ATP8A2: variants seen among roughly 807,000 people sequenced by gnomAD.
ATP8A2 encodes the protein phospholipid-transporting ATPase IB.
ATP8A2 carries 100 observed loss-of-function variants against 165.6 expected under a neutral mutation model. That is an observed-to-expected ratio of 0.60 (90% CI 0.51 to 0.71). ATP8A2 has a LOEUF of 0.71. Among genes scored for constraint, ATP8A2 ranks in the 30% least tolerant of loss-of-function variants. The pLI is 0.00. For missense variants in ATP8A2, 1,227 were observed against 1,479.5 expected (o/e 0.83, Z 2.80); for synonymous variants, 543 against 548.8 (o/e 0.99, Z 0.15).
intron 25 of ATP8A2, among the ~76,000 whole-genome samples, chr13:25,746,137 CATATG>C (rs1192902048): frequency 6.6e-6 from 1 of 152,188 alleles, no homozygotes; most frequent in Non-Finnish European, 1.5e-5. Flanking sequence ...GCAATTCATT[CATATG>C]AGTTGTTTCT....
At chr13:25,512,586 G>T in intron 2 of ATP8A2, among the ~76,000 whole-genome samples, 1 of 145,864 alleles carries the variant, frequency 6.9e-6, no homozygotes, top group Admixed American at 6.7e-5. Flanking sequence ...AGGGGCGGCT[G>T]GGCAGAGGCG....
rs574575294 is a variant in ATP8A2, at chr13:25,530,955, A to G, written c.420+295A>G. Among the ~76,000 whole-genome samples, 3 of 152,148 alleles carry G rather than the reference A, an allele frequency of 2.0e-5. No individual in the cohort carries two copies. In the East Asian group the frequency reaches 5.8e-4, roughly 29 times the overall value. On this transcript the variant is annotated intron_variant, in intron 4 of 36. Coordinates refer to ENST00000381655, the MANE Select transcript of ATP8A2 (RefSeq NM_016529.6). ...TTAGAGCTTGCTAATTTGGGCAGCA[A>G]ATGAAAGATTGCTGTGTTGTCTAGG...
intron 33 of ATP8A2, among the ~76,000 whole-genome samples, chr13:25,939,162 C>T (rs917194360): frequency 2.0e-5 from 3 of 152,054 alleles, no homozygotes; most frequent in South Asian, 2.1e-4. Flanking sequence ...CCTTTGATTG[C>T]CTCATGGGAA....
chr13:25,518,854 T>C (rs1161768817), intron 2 of ATP8A2, among the ~76,000 whole-genome samples: 1 of 152,176 alleles, frequency 6.6e-6, no homozygotes, highest in African/African-American at 2.4e-5. Flanking sequence ...CCAACATACA[T>C]GTAACAAGAT....
At chr13:25,858,645 G>A (rs960062830) in intron 30 of ATP8A2, among the ~76,000 whole-genome samples, 1 of 152,160 alleles carries the variant, frequency 6.6e-6, no homozygotes, top group African/African-American at 2.4e-5. Flanking sequence ...ATAAGAGTGG[G>A]ATTGTTCAAC....
intron 28 of ATP8A2, among the ~76,000 whole-genome samples, chr13:25,833,288 A>G (rs575167899): frequency 7.2e-5 from 11 of 152,242 alleles, no homozygotes; most frequent in East Asian, 3.9e-4. Context: ...ATATAAATAT[A>G]TATGATTCCA....
chr13:25,786,243 C>T (rs972395776), intron 27 of ATP8A2, among the ~76,000 whole-genome samples: 3 of 152,108 alleles, frequency 2.0e-5, no homozygotes, highest in Admixed American at 6.5e-5. Flanking sequence ...ATCTGAGCTG[C>T]GATATTGGTT....
At chr13:25,985,188 T>A (rs376183903) in intron 35 of ATP8A2, among the ~76,000 whole-genome samples, 1 of 152,322 alleles carries the variant, frequency 6.6e-6, no homozygotes, top group South Asian at 2.1e-4. Flanking sequence ...TTAGTAGAAA[T>A]AGTGTATGCT....
intron 1 of ATP8A2, among the ~76,000 whole-genome samples, chr13:25,426,694 G>C (rs2138126412): frequency 6.6e-6 from 1 of 152,250 alleles, no homozygotes; most frequent in East Asian, 1.9e-4. Flanking sequence ...TGTAATCCCA[G>C]TACTTTGGGA....
At chr13:25,807,512 C>T (rs932400596) in intron 27 of ATP8A2, among the ~76,000 whole-genome samples, 3 of 152,102 alleles carry the variant, frequency 2.0e-5, no homozygotes, top group African/African-American at 7.2e-5. Flanking sequence ...GGATTTATTC[C>T]TGGACTCTCA....
chr13:25,416,247 TAG>T (rs1248176164), intron 1 of ATP8A2, among the ~76,000 whole-genome samples: 2 of 152,240 alleles, frequency 1.3e-5, no homozygotes, highest in Non-Finnish European at 2.9e-5. Context: ...GTTTCTACTA[TAG>T]AAAATAAACA....
intron 25 of ATP8A2, among the ~76,000 whole-genome samples, chr13:25,735,460 C>A (rs187384310): frequency 1.6e-3 from 245 of 152,142 alleles, no homozygotes; most frequent in African/African-American, 5.5e-3. Flanking sequence ...AAGGTCTCAC[C>A]ATGTTGCCCA....
chr13:25,784,578 G>C (rs1026655980), intron 27 of ATP8A2, among the ~76,000 whole-genome samples: 3 of 152,134 alleles, frequency 2.0e-5, no homozygotes, highest in Non-Finnish European at 4.4e-5. Flanking sequence ...AGGCACACAC[G>C]TAAGAATCTT....
rs117227961 is a variant in ATP8A2, at chr13:25,911,615, T to C, written c.3183+49207T>C. 5.1e-4 allele frequency among the ~76,000 whole-genome samples: 77 copies of C among 152,276 alleles called. No individual in the cohort carries two copies. The East Asian group carries it at 0.014, about 28-fold the overall frequency. ...TAGTAGCTTGGCAGCTTCGAACTCA[T>C]ATGGTGAAGGATAGGACCTGGGCCC... On this transcript the variant is annotated intron_variant, in intron 33 of 36. Coordinates refer to ENST00000381655, the MANE Select transcript of ATP8A2 (RefSeq NM_016529.6).
At chr13:25,682,234 TC>T (rs1280442547) in intron 24 of ATP8A2, among the ~76,000 whole-genome samples, 3 of 152,152 alleles carry the variant, frequency 2.0e-5, no homozygotes, top group Non-Finnish European at 4.4e-5. Context: ...TGGCCCATCT[TC>T]TTGACCTTCC....
At chr13:25,600,227 C>T (rs1334659583) in intron 24 of ATP8A2, among the ~76,000 whole-genome samples, 6 of 152,168 alleles carry the variant, frequency 3.9e-5, no homozygotes, top group African/African-American at 1.4e-4. Context: ...AAGTGATTGT[C>T]AAGGGAATTG....
chr13:25,436,398 A>G (rs1398016842), intron 1 of ATP8A2, among the ~76,000 whole-genome samples: 1 of 152,150 alleles, frequency 6.6e-6, no homozygotes, highest in Non-Finnish European at 1.5e-5. Context: ...CACTTCAGAT[A>G]AGGGCCTCCA....
chr13:25,661,248 T>G (rs1463985335), intron 24 of ATP8A2, among the ~76,000 whole-genome samples: 1 of 152,184 alleles, frequency 6.6e-6, no homozygotes, highest in Non-Finnish European at 1.5e-5. Flanking sequence ...GTTCTACTAC[T>G]CTTCCACACC....
chr13:25,918,364 A>G (rs1471032591), intron 33 of ATP8A2, among the ~76,000 whole-genome samples: 4 of 152,220 alleles, frequency 2.6e-5, no homozygotes, highest in Non-Finnish European at 5.9e-5. Context: ...ATTGGGCTGC[A>G]TATGCTTTCA....
Sources: allele counts gnomAD v4.1 joint callset (sites outside exome capture counted in the v4.1 genomes callset), GRCh38; gene constraint gnomAD v4.1.1; transcripts MANE v1.5; gene names NCBI Gene and HGNC (gene_info 2026-07-23, HGNC 2026-07-21).